VPS53: variants seen among roughly 807,000 people sequenced by gnomAD.
VPS53 encodes the protein VPS53 subunit of GARP complex, also known as vacuolar protein sorting-associated protein 53 homolog.
Under a neutral mutation model 107.0 loss-of-function variants are expected in VPS53, and 70 were observed. The ratio of observed to expected loss-of-function variants is 0.65; its 90% CI spans 0.54 to 0.80. The LOEUF is 0.80. VPS53 is among the 30% of genes least tolerant of loss of function. The pLI is 0.00. For missense variants in VPS53, 917 were observed against 1,049.4 expected, an observed-to-expected ratio of 0.87 and a Z score of 1.74; for synonymous variants, 409 against 393.3, an observed-to-expected ratio of 1.04 and a Z score of -0.47.
chr17:642,659 A>C (rs71355292), intron 7 of VPS53, among the ~76,000 whole-genome samples: 11 of 149,876 alleles, frequency 7.3e-5, no homozygotes, highest in South Asian at 2.1e-4. Flanking sequence ...TCATACTTGG[A>C]AAGCGAGGAC....
At chr17:623,484 C>T (rs567639026) in intron 11 of VPS53, 49 bp downstream of exon 11, 5 of 1,575,138 alleles carry the variant, frequency 3.2e-6, no homozygotes, top group South Asian at 1.1e-5. Flanking sequence ...TGAATCCCAA[C>T]CACCCAACCC....
In VPS53 at chr17:620,283, C is replaced by G. The variant is rs1333596116; in HGVS notation, c.1116+3250G>C. Among the ~76,000 whole-genome samples, 4 of 152,228 alleles carry G rather than the reference C, an allele frequency of 2.6e-5. No individual in the cohort carries two copies. In the East Asian group the frequency reaches 7.7e-4, roughly 29 times the overall value. On this transcript the variant is annotated intron_variant, in intron 11 of 21. Transcript: ENST00000437048. ...TGCCTGAAAGGCCAGCCCGATTCAC[C>G]TGCTCCACCCTGTCTAAAGACCAGC...
chr17:564,712 A>C (rs1913329295), intron 13 of VPS53, among the ~76,000 whole-genome samples: 1 of 147,756 alleles, frequency 6.8e-6, no homozygotes, highest in Admixed American at 6.8e-5. Flanking sequence ...GCAAGACTTG[A>C]TATCTGGAAA....
intron 15 of VPS53, among the ~76,000 whole-genome samples, chr17:559,597 G>A (rs147904592): frequency 1.7e-4 from 26 of 152,352 alleles, no homozygotes; most frequent in African/African-American, 5.8e-4. Flanking sequence ...GGCCTTGGTA[G>A]ACACACTTCC....
At chr17:537,814 C>T (rs1910221572) in intron 17 of VPS53, 1 of 152,080 alleles carries the variant, frequency 6.6e-6, no homozygotes, top group Non-Finnish European at 1.5e-5. Flanking sequence ...TGAATATATT[C>T]AAAAATTTCC....
At chr17:553,570 T>G in intron 15 of VPS53, 108 bp from the exon 16 acceptor site, 1 of 776,702 alleles carries the variant, frequency 1.3e-6, no homozygotes, top group Non-Finnish European at 2.0e-6. Context: ...CATAATTCCA[T>G]ACACTTTTTT....
chr17:671,244 G>GGA lies in VPS53; in HGVS notation c.286-9350_286-9349insTC, dbSNP rs397814219. Reference sequence around the variant, plus strand: ...AGACGGAGAAAGAAAAGAAAAGAAAGAAGAAAGGAAAAGGAAAAGGGAAGG... The same window carrying GGA: ...AGACGGAGAAAGAAAAGAAAAGAAAGGAAAGAAAGGAAAAGGAAAAGGGAAGG... On this transcript the variant is annotated intron_variant, in intron 4 of 21. Coordinates refer to ENST00000437048, the MANE Select transcript of VPS53 (RefSeq NM_001128159.3). 5.9e-3 allele frequency among the ~76,000 whole-genome samples: 743 copies of GGA among 125,500 alleles called. 9 individuals are homozygous for GGA. Among genetic ancestry groups the GGA allele is most frequent in the African/African-American group, 0.021 (704 of 34,100 alleles). The allele number at this position is 125,500 out of a possible 152,430, so 82.3% of individuals were successfully genotyped here.
At chr17:686,507 G>C (rs1972591034) in intron 4 of VPS53, among the ~76,000 whole-genome samples, 1 of 152,208 alleles carries the variant, frequency 6.6e-6, no homozygotes, top group Non-Finnish European at 1.5e-5. Context: ...TTGAAGACAG[G>C]ACAAGAGAAA....
At chr17:525,333 C>G (rs1003366432) in intron 19 of VPS53, among the ~76,000 whole-genome samples, 13 of 151,998 alleles carry the variant, frequency 8.6e-5, no homozygotes, top group African/African-American at 2.9e-4. Context: ...AAGAGATGGG[C>G]AGGGTGGGGT....
chr17:707,928 T>C (rs1023641575), intron 2 of VPS53, among the ~76,000 whole-genome samples: 3 of 151,798 alleles, frequency 2.0e-5, no homozygotes, highest in African/African-American at 7.3e-5. Context: ...ACGATAAGCC[T>C]AGAGGACAGA....
chr17:701,941 C>T (rs1973217142), intron 2 of VPS53, among the ~76,000 whole-genome samples: 2 of 152,098 alleles, frequency 1.3e-5, no homozygotes, highest in African/African-American at 4.8e-5. Flanking sequence ...GCTGTCCAAG[C>T]TGATCTTGAA....
intron 4 of VPS53, among the ~76,000 whole-genome samples, chr17:664,237 C>T (rs906898812): frequency 4.6e-5 from 7 of 152,114 alleles, no homozygotes; most frequent in African/African-American, 1.7e-4. Flanking sequence ...TGCCACCACA[C>T]CTGGCTAATT....
At chr17:556,899 A>C (rs1912440479) in intron 15 of VPS53, among the ~76,000 whole-genome samples, 1 of 141,056 alleles carries the variant, frequency 7.1e-6, no homozygotes, top group Admixed American at 7.0e-5. Flanking sequence ...GGTGGCCAGG[A>C]GGGCCTCTCT....
chr17:633,835 T>C (rs998403246), intron 7 of VPS53, among the ~76,000 whole-genome samples: 1 of 152,176 alleles, frequency 6.6e-6, no homozygotes, highest in Non-Finnish European at 1.5e-5. Flanking sequence ...AAAATTGTAC[T>C]TCGGAGCTTC....
intron 16 of VPS53, chr17:552,869 G>A (rs561289039): frequency 6.2e-5 from 26 of 416,902 alleles, no homozygotes; most frequent in Admixed American, 3.7e-4. Flanking sequence ...CCTGAGGCAC[G>A]CTGCTGTGTA....
At chr17:631,434 G>T in intron 8 of VPS53, 116 bp downstream of exon 8, 1 of 1,090,624 alleles carries the variant, frequency 9.2e-7, no homozygotes, top group Non-Finnish European at 1.4e-6. Flanking sequence ...GCAGCAGAAG[G>T]ATTTGCAGCT....
At chr17:701,735 G>C (rs1486983796) in intron 2 of VPS53, among the ~76,000 whole-genome samples, 1 of 151,520 alleles carries the variant, frequency 6.6e-6, no homozygotes, top group Non-Finnish European at 1.5e-5. Context: ...ATATCAAATA[G>C]CCTACCTTTA....
chr17:550,414 G>C (rs1308788737), intron 17 of VPS53, among the ~76,000 whole-genome samples: 2 of 152,158 alleles, frequency 1.3e-5, no homozygotes, highest in Non-Finnish European at 2.9e-5. Context: ...AATTTTTTTA[G>C]CTTTGTGGGC....
At chr17:685,594 G>C (rs1972558117) in intron 4 of VPS53, among the ~76,000 whole-genome samples, 1 of 152,182 alleles carries the variant, frequency 6.6e-6, no homozygotes, top group Non-Finnish European at 1.5e-5. Context: ...ATGATGTTCA[G>C]TAAATTACAT....
Sources: gnomAD v4.1 joint callset for allele counts (sites outside exome capture counted in the v4.1 genomes callset) on GRCh38, gnomAD v4.1.1 for gene constraint, MANE v1.5 for transcripts, NCBI Gene and HGNC (gene_info 2026-07-23, HGNC 2026-07-21) for gene names.